The following HARBI1 variants were observed in gnomAD, a reference collection of about 807,000 sequenced individuals.
HARBI1 encodes the protein harbinger transposase derived 1, also known as putative nuclease HARBI1.
Under a neutral mutation model 25.3 loss-of-function variants are expected in HARBI1, and 15 were observed. That is an observed-to-expected ratio of 0.59 (90% CI 0.40 to 0.91). The LOEUF (loss-of-function observed/expected upper bound fraction) is 0.91. Ranked by LOEUF, HARBI1 falls within the 40% of genes least tolerant of loss-of-function variation. The pLI, the probability that HARBI1 is intolerant of heterozygous loss-of-function variation, is 0.00. For synonymous variants in HARBI1, 168 were observed against 160.5 expected (o/e 1.05, Z -0.35); for missense variants, 396 against 445.8 (o/e 0.89, Z 1.01).
In HARBI1 at chr11:46,615,809, C is replaced by G. The variant is rs775259761; in HGVS notation, c.429G>C (p.Gly143=). 1.2e-6 allele frequency: 2 copies of G among 1,614,176 alleles called. No homozygotes were observed. The highest frequency in any genetic ancestry group is 1.7e-6 in the Non-Finnish European group (2 of 1,180,034). ...DEFYGLAGMP[G]VMGVVDCIHV... ...GGATACAGTCAACCACCCCCATCAC[C>G]CCTGGCATCCCTGCCAACCCATAGA... Residue 143 remains glycine, a synonymous_variant, in exon 2 of 3, where the codon GGG becomes GGC. Coordinates refer to ENST00000326737, the MANE Select transcript of HARBI1 (RefSeq NM_173811.4).
chr11:46,615,526 T>C (rs1418532061), intron 2 of HARBI1, 42 bp downstream of exon 2: 2 of 1,571,322 alleles, frequency 1.3e-6, no homozygotes, highest in African/African-American at 1.4e-5. Flanking sequence ...ATAACTTTTC[T>C]ATGCCTCCAA....
At chr11:46,605,547 A>G (rs992137174) in intron 2 of HARBI1, among the ~76,000 whole-genome samples, 1 of 151,438 alleles carries the variant, frequency 6.6e-6, no homozygotes, top group African/African-American at 2.4e-5. Context: ...AAAATTTTCA[A>G]ATTTACTATT....
At chr11:46,605,068 G>A (rs1472312190) in intron 2 of HARBI1, among the ~76,000 whole-genome samples, 1 of 152,166 alleles carries the variant, frequency 6.6e-6, no homozygotes, top group African/African-American at 2.4e-5. Flanking sequence ...AAACCTCTTA[G>A]AAATTTGAGA....
intron 2 of HARBI1, among the ~76,000 whole-genome samples, chr11:46,609,510 G>GT (rs1400511065): frequency 6.7e-6 from 1 of 148,328 alleles, no homozygotes; most frequent in African/African-American, 2.6e-5. Context: ...CCGTGCCTGG[G>GT]TAATTTTTGT....
At position 46,603,378 on chromosome 11, in the gene HARBI1, C is replaced by A. The variant is rs1258149844; in HGVS notation, c.*152G>T. On this transcript the variant is annotated 3_prime_UTR_variant, in exon 3 of 3. Coordinates refer to ENST00000326737, the MANE Select transcript of HARBI1 (RefSeq NM_173811.4). ...AATGAATCAAGATATTCTGGCATAG[C>A]CCCAACCTTACCAAAACACACATAT... The A allele has an allele frequency of 2.8e-6, 2 of 726,444 alleles. No individual in the cohort carries two copies. Among genetic ancestry groups the A allele is most frequent in the East Asian group, 2.5e-5 (1 of 39,438 alleles). 45.0% of individuals were successfully genotyped at this position (726,444 alleles called of 1,614,324 possible). A position where few individuals can be genotyped will look rare whatever the true frequency, so the allele number is the denominator to read the frequency against.
intron 2 of HARBI1, among the ~76,000 whole-genome samples, chr11:46,606,471 A>T (rs1254870256): frequency 6.7e-6 from 1 of 148,652 alleles, no homozygotes; most frequent in African/African-American, 2.5e-5. Flanking sequence ...TACCACCATG[A>T]CTGGCTAATT....
At chr11:46,610,144 C>T (rs1399493325) in intron 2 of HARBI1, among the ~76,000 whole-genome samples, 4 of 151,286 alleles carry the variant, frequency 2.6e-5, no homozygotes, top group Non-Finnish European at 4.4e-5. Flanking sequence ...TGAGTCACAG[C>T]GCCCAGCCAA....
At chr11:46,609,846 A>C (rs1272674613) in intron 2 of HARBI1, among the ~76,000 whole-genome samples, 2 of 148,934 alleles carry the variant, frequency 1.3e-5, no homozygotes, top group African/African-American at 5.0e-5. Context: ...AAATAAATAA[A>C]AGAATTTTTT....
intron 2 of HARBI1, among the ~76,000 whole-genome samples, chr11:46,613,914 T>C (rs543078289): frequency 6.6e-6 from 1 of 152,000 alleles, no homozygotes; most frequent in East Asian, 1.9e-4. Flanking sequence ...CAAGTGACCC[T>C]CTCACCTTGA....
At chr11:46,614,149 T>C in intron 2 of HARBI1, among the ~76,000 whole-genome samples, 1 of 151,128 alleles carries the variant, frequency 6.6e-6, no homozygotes. Flanking sequence ...ATATATAGGC[T>C]GGGCATGGTG....
chr11:46,614,559 G>GGTCA (rs1247738216), intron 2 of HARBI1, among the ~76,000 whole-genome samples: 1 of 151,946 alleles, frequency 6.6e-6, no homozygotes, highest in Non-Finnish European at 1.5e-5. Flanking sequence ...AACATAGTGA[G>GGTCA]ACTCTGCCTC....
At chr11:46,608,822 C>T (rs998676995) in intron 2 of HARBI1, among the ~76,000 whole-genome samples, 1 of 151,848 alleles carries the variant, frequency 6.6e-6, no homozygotes, top group African/African-American at 2.4e-5. Flanking sequence ...ACCATGTTGG[C>T]CAGGCTAATC....
At position 46,603,727 on chromosome 11, in the gene HARBI1, G is replaced by A; in HGVS notation, c.853C>T (p.Pro285Ser). The change falls in exon 3 of 3, where the codon CCA becomes TCA. Residue 285 changes from proline to serine, a missense_variant. Coordinates refer to ENST00000326737, the MANE Select transcript of HARBI1 (RefSeq NM_173811.4). Reference sequence around the variant, plus strand: ...AAGATGATATGGCTGGATTTCTCTGGTGAGTACTGCAGTGCCCCCTTGGAT... The same window carrying A: ...AAGATGATATGGCTGGATTTCTCTGATGAGTACTGCAGTGCCCCCTTGGAT... ...DGSKGALQYS[P>S]EKSSHIILAC... 1.9e-6 allele frequency: 3 copies of A among 1,614,158 alleles called. No homozygotes were observed. Among genetic ancestry groups the A allele is most frequent in the Non-Finnish European group, 2.5e-6 (3 of 1,180,026 alleles).
At chr11:46,604,351 G>A in intron 2 of HARBI1, 1 of 800,970 alleles carries the variant, frequency 1.2e-6, no homozygotes. Context: ...ATTGCAGTGA[G>A]CCAAGATCAC....
rs569092766 is a variant in HARBI1 at position 46,603,141 on chromosome 11, G to A, written c.*389C>T. On this transcript the variant is annotated 3_prime_UTR_variant, in exon 3 of 3. Transcript: ENST00000326737. The stretch of plus-strand genomic sequence containing the variant: ...ATTACAGGCGTGAGCCACCGCACCC[G>A]GCCGCTAATTTTTGTATTTTTAGTA... 14 of 156,062 alleles carry A rather than the reference G, an allele frequency of 9.0e-5. No homozygotes were observed. Among genetic ancestry groups the A allele is most frequent in the South Asian group, 3.9e-4 (2 of 5,106 alleles). The allele number at this position is 156,062 out of a possible 1,614,324, so 9.7% of individuals were successfully genotyped here.
chr11:46,604,585 T>C, intron 2 of HARBI1: 3 of 985,258 alleles, frequency 3.0e-6, no homozygotes, highest in Non-Finnish European at 3.6e-6. Context: ...GGGGAAGTCT[T>C]AACTTTACCC....
chr11:46,615,392 A>G (rs2045340006), intron 2 of HARBI1, among the ~76,000 whole-genome samples, 176 bp downstream of exon 2: 1 of 151,208 alleles, frequency 6.6e-6, no homozygotes, highest in Admixed American at 6.6e-5. Flanking sequence ...CAATTTTTGT[A>G]TTTTTAGTAG....
At chr11:46,611,197 T>G (rs574615689) in intron 2 of HARBI1, among the ~76,000 whole-genome samples, 2 of 151,974 alleles carry the variant, frequency 1.3e-5, no homozygotes, top group East Asian at 3.9e-4. Flanking sequence ...TTAGTAGAGA[T>G]GAGGTTTCAC....
chr11:46,607,749 C>T (rs1209685871), intron 2 of HARBI1, among the ~76,000 whole-genome samples: 3 of 151,900 alleles, frequency 2.0e-5, no homozygotes, highest in African/African-American at 7.3e-5. Flanking sequence ...CAGATCTTAC[C>T]CAAAGCTGCT....
Sources: allele counts gnomAD v4.1 joint callset (sites outside exome capture counted in the v4.1 genomes callset), GRCh38; gene constraint gnomAD v4.1.1; transcripts MANE v1.5; gene names NCBI Gene and HGNC (gene_info 2026-07-23, HGNC 2026-07-21).